Variants in SCNN1G observed in about 807,000 individuals in gnomAD.
SCNN1G encodes sodium channel epithelial 1 subunit gamma.
Under a neutral mutation model 64.6 loss-of-function variants are expected in SCNN1G, and 27 were observed. The ratio of observed to expected loss-of-function variants is 0.42; its 90% CI spans 0.31 to 0.58. The LOEUF is 0.58. Ranked by LOEUF, SCNN1G falls within the 20% of genes least tolerant of loss-of-function variation. SCNN1G has a pLI of 0.18. For synonymous variants in SCNN1G, 330 were observed against 314.2 expected (o/e 1.05, Z -0.53); for missense variants, 743 against 823.4 (o/e 0.90, Z 1.19).
chr16:23,202,171 A>C (rs1338664870), intron 6 of SCNN1G, among the ~76,000 whole-genome samples: 3 of 148,440 alleles, frequency 2.0e-5, no homozygotes, highest in Non-Finnish European at 3.0e-5. Context: ...GTGGAAACAG[A>C]CCTTTTCTGC....
chr16:23,196,498 G>A (rs1959796959), intron 5 of SCNN1G: 2 of 152,454 alleles, frequency 1.3e-5, no homozygotes, highest in African/African-American at 4.8e-5. Context: ...GACCTGGCCT[G>A]AGGTCCAATT....
At chr16:23,185,438 T>C (rs1959590704) in intron 1 of SCNN1G, among the ~76,000 whole-genome samples, 1 of 152,208 alleles carries the variant, frequency 6.6e-6, no homozygotes. Context: ...ATGTGATAAT[T>C]TGCCTTCCAA....
Position 23,197,368 on chromosome 16 carries a change from G to A in SCNN1G, c.1018G>A (p.Val340Ile), listed in dbSNP as rs774394259. The A allele has an allele frequency of 3.0e-5, 48 of 1,613,922 alleles. No individual in the cohort carries two copies. The highest frequency in any genetic ancestry group is 3.7e-5 in the Non-Finnish European group (44 of 1,179,932). Reference sequence around the variant, plus strand: ...CCATCGGCAGGATGAGTATCCCTTCGTCGAAGATGTGGGAACAGAGATTGA... The same window carrying A: ...CCATCGGCAGGATGAGTATCCCTTCATCGAAGATGTGGGAACAGAGATTGA... ...IIHRQDEYPFVEDVGTEIETA... is the reference protein window; with the variant it reads ...IIHRQDEYPFIEDVGTEIETA... Residue 340 changes from valine (V) to isoleucine (I), a missense_variant, in exon 6 of 13, where the codon GTC becomes ATC. By Grantham distance (29) the Val-to-Ile change is conservative. Coordinates refer to ENST00000300061, the MANE Select transcript of SCNN1G (RefSeq NM_001039.4).
intron 2 of SCNN1G, 40 bp downstream of exon 2, chr16:23,186,628 GC>G: frequency 1.3e-6 from 2 of 1,567,062 alleles, no homozygotes; most frequent in Non-Finnish European, 8.7e-7. Context: ...AGGGAGCCAG[GC>G]CCCCCACAGA....
chr16:23,211,239 T>G (rs11643416), intron 7 of SCNN1G, among the ~76,000 whole-genome samples: 32,190 of 152,080 alleles, frequency 0.21, 3,516 homozygotes, highest in African/African-American at 0.25. Context: ...TAGCAAAGAT[T>G]GGATTTGACC....
chr16:23,187,380 A>T lies in SCNN1G; in HGVS notation c.317+792A>T, dbSNP rs558484832. On this transcript the variant is annotated intron_variant, in intron 2 of 12. Coordinates refer to ENST00000300061, the MANE Select transcript of SCNN1G (RefSeq NM_001039.4). ...CACTTTGGTCTCTCAAAGTGCTGAG[A>T]TTACAGGAGTGAACCACCACACCCA... Among the ~76,000 whole-genome samples the T allele has an allele frequency of 9.2e-5, 14 of 152,252 alleles. 1 individual carries two copies. In the South Asian group the frequency reaches 2.7e-3, roughly 29 times the overall value.
At chr16:23,194,092 T>C in intron 4 of SCNN1G, 79 bp from the exon 5 acceptor site, 1 of 912,484 alleles carries the variant, frequency 1.1e-6, no homozygotes, top group Non-Finnish European at 1.8e-6. Flanking sequence ...GAGAGTTGGC[T>C]CCATTAGCAC....
intron 6 of SCNN1G, among the ~76,000 whole-genome samples, chr16:23,198,732 CTG>C (rs2141935587): frequency 6.6e-6 from 1 of 151,990 alleles, no homozygotes; most frequent in African/African-American, 2.4e-5. Flanking sequence ...GAGTAAGACT[CTG>C]TCTCAAAAAC....
intron 12 of SCNN1G, 149 bp from the exon 13 acceptor site, chr16:23,214,940 T>G: frequency 8.9e-7 from 1 of 1,129,596 alleles, no homozygotes; most frequent in Non-Finnish European, 1.3e-6. Context: ...ATGCACAGAG[T>G]AAGAGGAAAC....
chr16:23,210,068 A>C (rs890698317), intron 7 of SCNN1G, among the ~76,000 whole-genome samples: 1 of 152,188 alleles, frequency 6.6e-6, no homozygotes, highest in African/African-American at 2.4e-5. Context: ...TGTGGAACTC[A>C]ATGTACAGCT....
chr16:23,205,828 T>C (rs1047509849), intron 6 of SCNN1G, among the ~76,000 whole-genome samples: 1 of 152,030 alleles, frequency 6.6e-6, no homozygotes, highest in Non-Finnish European at 1.5e-5. Flanking sequence ...CAGTCCATTC[T>C]GAGAAACAGG....
rs568802213 is a variant in SCNN1G at position 23,188,268 on chromosome 16, A to G, written c.318-1103A>G. On this transcript the variant is annotated intron_variant, in intron 2 of 12. Transcript: ENST00000300061. ...TCATGCCTGAAATCTCAGCACTTTC[A>G]GAAGCCAAGGCATGAGGATTGCTTG... Among the ~76,000 whole-genome samples, 534 of 152,350 alleles carry G rather than the reference A, an allele frequency of 3.5e-3. 1 individual carries two copies. The highest frequency in any genetic ancestry group is 6.2e-3 in the Non-Finnish European group (425 of 68,030).
At chr16:23,202,305 T>C (rs1328621129) in intron 6 of SCNN1G, among the ~76,000 whole-genome samples, 1 of 151,498 alleles carries the variant, frequency 6.6e-6, no homozygotes, top group Non-Finnish European at 1.5e-5. Context: ...GATGGATGGA[T>C]GGATGGATAG....
intron 10 of SCNN1G, 65 bp from the exon 11 acceptor site, chr16:23,213,037 G>A (rs1034019873): frequency 1.3e-5 from 20 of 1,545,278 alleles, no homozygotes; most frequent in Non-Finnish European, 1.8e-5. Flanking sequence ...TGGGGAGCCT[G>A]AGGCGGGAGG....
At chr16:23,211,683 G>C (rs1326803724) in intron 7 of SCNN1G, among the ~76,000 whole-genome samples, 1 of 151,982 alleles carries the variant, frequency 6.6e-6, no homozygotes, top group Non-Finnish European at 1.5e-5. Context: ...ATGGTGGTGT[G>C]CATCTGTAAT....
At chr16:23,197,219 T>C (rs112988081) in intron 5 of SCNN1G, 45 bp from the exon 6 acceptor site, 2 of 1,558,926 alleles carry the variant, frequency 1.3e-6, no homozygotes, top group Non-Finnish European at 1.8e-6. Context: ...CCCCAGGAAA[T>C]GTTTTCCTAG....
chr16:23,203,443 T>C (rs902477578), intron 6 of SCNN1G, among the ~76,000 whole-genome samples: 6 of 152,138 alleles, frequency 3.9e-5, no homozygotes, highest in Non-Finnish European at 7.4e-5. Context: ...CCAGACTTTA[T>C]TTCACAAGTT....
chr16:23,211,530 C>G (rs747845613), intron 7 of SCNN1G, among the ~76,000 whole-genome samples: 4 of 152,152 alleles, frequency 2.6e-5, no homozygotes, highest in South Asian at 4.2e-4. Flanking sequence ...CTTAATACAT[C>G]GGCCAGGTGT....
intron 6 of SCNN1G, among the ~76,000 whole-genome samples, chr16:23,202,400 A>T (rs775156208): frequency 6.6e-6 from 1 of 152,000 alleles, no homozygotes; most frequent in Non-Finnish European, 1.5e-5. Flanking sequence ...AGGTGCATGG[A>T]TGGATGGATG....
Sources: gnomAD v4.1 joint callset for allele counts (sites outside exome capture counted in the v4.1 genomes callset) on GRCh38, gnomAD v4.1.1 for gene constraint, MANE v1.5 for transcripts, NCBI Gene and HGNC (gene_info 2026-07-23, HGNC 2026-07-21) for gene names.